The following CNTN4 variants were observed in gnomAD, a reference collection of about 807,000 sequenced individuals.
CNTN4 encodes the protein contactin 4, also known as contactin-4.
In CNTN4, 77 loss-of-function variants were observed where a neutral mutation model predicts 122.5. That is an observed-to-expected ratio of 0.63 (90% CI 0.52 to 0.76). The LOEUF is 0.76. Ranked by LOEUF, CNTN4 falls within the 30% of genes least tolerant of loss-of-function variation. The pLI, the probability that CNTN4 is intolerant of heterozygous loss-of-function variation, is 0.00. For missense variants in CNTN4, 1,256 were observed against 1,259.1 expected, an observed-to-expected ratio of 1.00 and a Z score of 0.04; for synonymous variants, 512 against 447.0, an observed-to-expected ratio of 1.15 and a Z score of -1.83.
chr3:2,245,681 G>A (rs2040117300), intron 2 of CNTN4, among the ~76,000 whole-genome samples: 1 of 151,978 alleles, frequency 6.6e-6, no homozygotes, highest in African/African-American at 2.4e-5. Context: ...AAAAATTGGT[G>A]TACGTATTTT....
At chr3:2,558,132 T>C (rs760909845) in intron 3 of CNTN4, among the ~76,000 whole-genome samples, 1 of 152,212 alleles carries the variant, frequency 6.6e-6, no homozygotes, top group Non-Finnish European at 1.5e-5. Flanking sequence ...AAATACATAC[T>C]TGCAGAAAAG....
chr3:2,473,707 G>C (rs1037994465), intron 3 of CNTN4, among the ~76,000 whole-genome samples: 2 of 151,984 alleles, frequency 1.3e-5, no homozygotes, highest in Admixed American at 6.6e-5. Flanking sequence ...AAAGTTACTG[G>C]GGTAACAGTA....
intron 2 of CNTN4, among the ~76,000 whole-genome samples, chr3:2,165,766 A>G (rs573714963): frequency 2.7e-4 from 41 of 152,150 alleles, no homozygotes; most frequent in Non-Finnish European, 4.0e-4. Flanking sequence ...GATTCCACAT[A>G]TAAGTGAGAT....
chr3:2,376,176 A>G (rs2045808848), intron 3 of CNTN4, among the ~76,000 whole-genome samples: 1 of 152,176 alleles, frequency 6.6e-6, no homozygotes, highest in African/African-American at 2.4e-5. Context: ...ACTCCACTAT[A>G]AATTTGAAGA....
intron 3 of CNTN4, among the ~76,000 whole-genome samples, chr3:2,453,279 C>G (rs1016144131): frequency 4.6e-5 from 7 of 151,816 alleles, no homozygotes; most frequent in Admixed American, 4.6e-4. Flanking sequence ...AATTCATTAC[C>G]TACAGTGAAC....
chr3:2,965,022 A>T (rs1388927051), intron 13 of CNTN4, among the ~76,000 whole-genome samples: 1 of 152,204 alleles, frequency 6.6e-6, no homozygotes, highest in Admixed American at 6.5e-5. Flanking sequence ...AAATGGAATG[A>T]TTGGCCCTTC....
At chr3:2,754,659 C>A (rs1335493296) in intron 6 of CNTN4, among the ~76,000 whole-genome samples, 1 of 149,456 alleles carries the variant, frequency 6.7e-6, no homozygotes, top group African/African-American at 2.5e-5. Context: ...TGCTTACGTA[C>A]AAAAGCCACT....
intron 3 of CNTN4, among the ~76,000 whole-genome samples, chr3:2,478,543 G>A (rs764494216): frequency 2.0e-5 from 3 of 151,872 alleles, no homozygotes; most frequent in Non-Finnish European, 4.4e-5. Context: ...TACTAAGCCC[G>A]GCATCAGTTA....
intron 2 of CNTN4, among the ~76,000 whole-genome samples, chr3:2,282,527 A>G (rs2041756690): frequency 6.6e-6 from 1 of 152,088 alleles, no homozygotes; most frequent in South Asian, 2.1e-4. Flanking sequence ...TTTGATGAAT[A>G]GTTTGGATAA....
intron 6 of CNTN4, among the ~76,000 whole-genome samples, chr3:2,786,888 A>C (rs189230324): frequency 1.1e-4 from 16 of 152,306 alleles, no homozygotes; most frequent in African/African-American, 3.8e-4. Flanking sequence ...CTTGAGGCCA[A>C]AAATAAAATA....
intron 17 of CNTN4, among the ~76,000 whole-genome samples, chr3:3,036,460 A>G (rs1559816188): frequency 6.6e-6 from 1 of 152,134 alleles, no homozygotes; most frequent in South Asian, 2.1e-4. Flanking sequence ...GCACAATAAG[A>G]ATTGTTTAAG....
At chr3:2,717,247 A>C (rs1047948862) in intron 4 of CNTN4, among the ~76,000 whole-genome samples, 12 of 152,152 alleles carry the variant, frequency 7.9e-5, no homozygotes, top group Non-Finnish European at 1.8e-4. Flanking sequence ...CTAACTGGTA[A>C]GAGTGGCTCA....
intron 3 of CNTN4, among the ~76,000 whole-genome samples, chr3:2,469,820 A>C (rs2075623308): frequency 6.6e-6 from 1 of 152,180 alleles, no homozygotes; most frequent in African/African-American, 2.4e-5. Context: ...TCTACTCCCT[A>C]AGGTCTTAGT....
chr3:2,949,373 G>A (rs1424432217), intron 13 of CNTN4, among the ~76,000 whole-genome samples: 1 of 152,202 alleles, frequency 6.6e-6, no homozygotes, highest in Non-Finnish European at 1.5e-5. Context: ...ATATTATGAA[G>A]TTTGTTTTTT....
At position 2,883,258 on chromosome 3, in the gene CNTN4, G is replaced by A; in HGVS notation, c.755+11G>A. 1 of 1,601,024 alleles carries A rather than the reference G, an allele frequency of 6.2e-7. No homozygotes were observed. The highest frequency in any genetic ancestry group is 8.6e-7 in the Non-Finnish European group (1 of 1,169,230). The stretch of plus-strand genomic sequence containing the variant: ...CTTTGCTTTAGGAAAGTAAGTTCTG[G>A]TTTGCGTTCCTTCTCATCCTCCCTT... On this transcript the variant is annotated intron_variant, in intron 9 of 24. Transcript: ENST00000418658.
intron 4 of CNTN4, among the ~76,000 whole-genome samples, chr3:2,578,809 G>T (rs1204465183): frequency 1.3e-5 from 2 of 152,030 alleles, no homozygotes; most frequent in Non-Finnish European, 2.9e-5. Flanking sequence ...AAGCCCATGT[G>T]GTAGAAAGAC....
intron 2 of CNTN4, among the ~76,000 whole-genome samples, chr3:2,209,403 C>T (rs767446815): frequency 1.4e-4 from 22 of 152,172 alleles, no homozygotes; most frequent in African/African-American, 2.4e-5. Context: ...TAGCTATCCT[C>T]TCCCATAGGT....
chr3:2,882,826 C>T, intron 8 of CNTN4: 1 of 280,570 alleles, frequency 3.6e-6, no homozygotes, highest in Non-Finnish European at 6.9e-6. Context: ...TTTAATTTTC[C>T]TGATGACTAG....
At chr3:2,501,639 C>T (rs1285845403) in intron 3 of CNTN4, among the ~76,000 whole-genome samples, 1 of 152,126 alleles carries the variant, frequency 6.6e-6, no homozygotes, top group African/African-American at 2.4e-5. Flanking sequence ...ACCTTCTGTA[C>T]CTGTGTATTT....
Sources: gnomAD v4.1 joint callset for allele counts (sites outside exome capture counted in the v4.1 genomes callset) on GRCh38, gnomAD v4.1.1 for gene constraint, MANE v1.5 for transcripts, NCBI Gene and HGNC (gene_info 2026-07-23, HGNC 2026-07-21) for gene names.